Variants in WDR19 observed in about 807,000 individuals in gnomAD.
WDR19 encodes WD repeat-containing protein 19.
Under a neutral mutation model 180.0 loss-of-function variants are expected in WDR19, and 121 were observed. The ratio of observed to expected loss-of-function variants is 0.67; its 90% CI spans 0.58 to 0.78. The LOEUF is 0.78. Among genes scored for constraint, WDR19 ranks in the 30% least tolerant of loss-of-function variants. The pLI is 0.00. For missense variants in WDR19, 1,450 were observed against 1,640.7 expected (o/e 0.88, Z 2.01); for synonymous variants, 497 against 540.7 (o/e 0.92, Z 1.12).
intron 12 of WDR19, among the ~76,000 whole-genome samples, chr4:39,216,823 CA>C (rs1560502676): frequency 6.6e-6 from 1 of 152,190 alleles, no homozygotes; most frequent in East Asian, 1.9e-4. Flanking sequence ...ACCTGTTAAA[CA>C]GGAAATACCA....
intron 13 of WDR19, 139 bp from the exon 14 acceptor site, chr4:39,217,844 A>G (rs1329466442): frequency 2.8e-6 from 3 of 1,067,740 alleles, no homozygotes; most frequent in Non-Finnish European, 4.0e-6. Flanking sequence ...CCTGTGTGAT[A>G]GCTTTCCAAC....
In WDR19 at chr4:39,277,029, T is replaced by G; in HGVS notation, c.3726T>G (p.Asp1242Glu). 1 of 1,613,396 alleles carries G rather than the reference T, an allele frequency of 6.2e-7. No homozygotes were observed. The highest frequency in any genetic ancestry group is 1.7e-5 in the Admixed American group (1 of 59,874). The part of the protein sequence containing the change: ...KKIEGMVRRP[D>E]ISEIEEATTP... The stretch of plus-strand genomic sequence containing the variant: ...TGATTCTTCCTCACAGGAGACCCGA[T>G]ATATCTGAGATAGAAGAGGCCACGA... The change falls in exon 34 of 37, where the codon GAT (aspartate) becomes GAG (glutamate). Residue 1242 changes from aspartate (D) to glutamate (E), a missense_variant. Physicochemically the swap from Asp to Glu is conservative, Grantham distance 45. Coordinates refer to ENST00000399820, the MANE Select transcript of WDR19 (RefSeq NM_025132.4).
At chr4:39,283,401 T>TC (rs956350985) in intron 36 of WDR19, among the ~76,000 whole-genome samples, 1 of 152,182 alleles carries the variant, frequency 6.6e-6, no homozygotes, top group Non-Finnish European at 1.5e-5. Context: ...TGTTTTTTTT[T>TC]CAAGTGTTAT....
chr4:39,241,593 A>G (rs1731955631), intron 21 of WDR19, among the ~76,000 whole-genome samples: 1 of 151,712 alleles, frequency 6.6e-6, no homozygotes. Flanking sequence ...ACTTTAGGTC[A>G]GGAGACCAGT....
At chr4:39,274,729 G>T in intron 32 of WDR19, 79 bp from the exon 33 acceptor site, 1 of 1,518,666 alleles carries the variant, frequency 6.6e-7, no homozygotes, top group South Asian at 1.2e-5. Flanking sequence ...TTTTCCTACA[G>T]AACCAGGGTG....
chr4:39,236,907 G>A (rs957627396), intron 20 of WDR19, among the ~76,000 whole-genome samples: 7 of 152,208 alleles, frequency 4.6e-5, no homozygotes, highest in South Asian at 2.1e-4. Flanking sequence ...GTGTTGCATC[G>A]AAGTGTAATT....
rs1438702805 is a variant in WDR19 at position 39,278,206 on chromosome 4, A to G, written c.3916A>G (p.Ile1306Val). 2.5e-6 allele frequency: 4 copies of G among 1,600,766 alleles called. No homozygotes were observed. The highest frequency in any genetic ancestry group is 3.4e-6 in the Non-Finnish European group (4 of 1,173,996). ...CCCTGCTCTATACTCAGAATTGAAG[A>G]TGTAAGTGTGCATCACGTCACTCAG... ...DFPALYSELK[I>V]MLNTESTCPM... The change falls in exon 35 of 37, where the codon ATC (isoleucine) becomes GTC (valine). Residue 1306 changes from isoleucine to valine, a missense_variant and splice_region_variant. Coordinates refer to ENST00000399820, the MANE Select transcript of WDR19 (RefSeq NM_025132.4).
intron 32 of WDR19, chr4:39,273,400 G>T: frequency 3.5e-6 from 1 of 282,324 alleles, no homozygotes; most frequent in Non-Finnish European, 6.5e-6. Flanking sequence ...CGCAAGTTCC[G>T]TAACTCCTCC....
intron 19 of WDR19, 71 bp from the exon 20 acceptor site, chr4:39,234,695 A>C (rs1560521305): frequency 5.4e-6 from 5 of 927,196 alleles, no homozygotes; most frequent in Non-Finnish European, 5.2e-6. Flanking sequence ...TTTTATTAAA[A>C]CTAGCTCTTT....
At chr4:39,248,503 T>C (rs533396056) in intron 24 of WDR19, among the ~76,000 whole-genome samples, 1 of 152,108 alleles carries the variant, frequency 6.6e-6, no homozygotes, top group Admixed American at 6.5e-5. Flanking sequence ...CACATAACAA[T>C]ACTAATCTTA....
intron 28 of WDR19, among the ~76,000 whole-genome samples, chr4:39,260,340 CTTTTTTTT>C (rs71192837): frequency 1.1e-5 from 1 of 89,966 alleles, no homozygotes; most frequent in Non-Finnish European, 2.3e-5. Flanking sequence ...TTTTTTTTTT[CTTTTTTTT>C]TTTTTTTGAG....
intron 26 of WDR19, 38 bp downstream of exon 26, chr4:39,254,068 T>G (rs1428133989): frequency 6.3e-7 from 1 of 1,588,014 alleles, no homozygotes; most frequent in East Asian, 2.3e-5. Flanking sequence ...TTCAAGATGT[T>G]TATCATAAAA....
rs191205572 is a variant in WDR19 at position 39,248,060 on chromosome 4, A to G, written c.2729+2608A>G. Among the ~76,000 whole-genome samples the G allele has an allele frequency of 1.1e-4, 16 of 152,246 alleles. No individual in the cohort carries two copies. The East Asian group carries it at 3.1e-3, about 29-fold the overall frequency. ...TCCAAGACACATAATTGTCAGATTC[A>G]CCAGTTGAAATGAAGGAAAAAATGT... On this transcript the variant is annotated intron_variant, in intron 24 of 36. Transcript: ENST00000399820.
Position 39,228,522 on chromosome 4 carries a change from C to T in WDR19, c.1814C>T (p.Pro605Leu). Reference sequence around the variant, plus strand: ...ATTTTGGCTGGTAGCACCAAAGTTCCTTTTGCTCATAAACCTTTGCTGCTA... The same window carrying T: ...ATTTTGGCTGGTAGCACCAAAGTTCTTTTTGCTCATAAACCTTTGCTGCTA... Reference protein sequence around the residue: ...KVILAGSTKVPFAHKPLLLYN... With the variant: ...KVILAGSTKVLFAHKPLLLYN... Residue 605 changes from proline (P) to leucine (L), a missense_variant, in exon 17 of 37, where the codon CCT becomes CTT. By Grantham distance (98) the Pro-to-Leu change is moderately conservative. Transcript: ENST00000399820. The T allele has an allele frequency of 1.2e-6, 2 of 1,613,880 alleles. No individual in the cohort carries two copies. Among genetic ancestry groups the T allele is most frequent in the Non-Finnish European group, 8.5e-7 (1 of 1,179,804 alleles).
At chr4:39,248,334 C>A (rs1218061766) in intron 24 of WDR19, among the ~76,000 whole-genome samples, 1 of 152,160 alleles carries the variant, frequency 6.6e-6, no homozygotes, top group African/African-American at 2.4e-5. Flanking sequence ...GCCTTCCCTA[C>A]AAGAGCTCCT....
intron 14 of WDR19, among the ~76,000 whole-genome samples, chr4:39,220,255 TAAC>T (rs1231409735): frequency 6.6e-6 from 1 of 151,754 alleles, no homozygotes; most frequent in African/African-American, 2.4e-5. Flanking sequence ...CAAAAAACAA[TAAC>T]AACAAACAAA....
chr4:39,264,903 C>T (rs575754417), intron 28 of WDR19, among the ~76,000 whole-genome samples: 2 of 144,460 alleles, frequency 1.4e-5, no homozygotes, highest in Admixed American at 7.4e-5. Flanking sequence ...TGATTTAACT[C>T]GCCTTTATGG....
intron 1 of WDR19, 122 bp from the exon 2 acceptor site, chr4:39,185,604 C>T (rs1337017253): frequency 1.1e-6 from 1 of 909,830 alleles, no homozygotes; most frequent in Non-Finnish European, 1.7e-6. Context: ...TAAGCTCTAA[C>T]ATAATCCTCA....
rs1731462821 is a variant in WDR19 at position 39,237,137 on chromosome 4, G to A, written c.2363+2262G>A. ...AAAGATTAGTCTTTAAACAAAGAAA[G>A]TATAGTTCTAACATTTGATTTTTTC... On this transcript the variant is annotated intron_variant, in intron 20 of 36. Coordinates refer to ENST00000399820, the MANE Select transcript of WDR19 (RefSeq NM_025132.4). 2.0e-5 allele frequency among the ~76,000 whole-genome samples: 3 copies of A among 152,226 alleles called. No homozygotes were observed. The South Asian group carries it at 6.2e-4, about 32-fold the overall frequency.
Sources: gnomAD v4.1 joint callset for allele counts (sites outside exome capture counted in the v4.1 genomes callset) on GRCh38, gnomAD v4.1.1 for gene constraint, MANE v1.5 for transcripts, NCBI Gene and HGNC (gene_info 2026-07-23, HGNC 2026-07-21) for gene names.